Variants in ACLY observed in about 807,000 individuals in gnomAD.
The protein encoded by ACLY is ATP-citrate synthase.
Under a neutral mutation model 133.0 loss-of-function variants are expected in ACLY, and 41 were observed. That is an observed-to-expected ratio of 0.31 (90% confidence interval 0.24 to 0.40). The LOEUF is 0.40. Among genes scored for constraint, ACLY ranks in the 10% least tolerant of loss-of-function variants. The pLI, the probability that ACLY is intolerant of heterozygous loss-of-function variation, is 1.00. For synonymous variants in ACLY, 495 were observed against 549.3 expected (o/e 0.90, Z 1.38); for missense variants, 1,046 against 1,453.8 (o/e 0.72, Z 4.56).
rs1400290337 is a variant in ACLY at position 41,884,104 on chromosome 17, AC to A, written c.2154+88del. The A allele has an allele frequency of 8.9e-6, 7 of 782,140 alleles. No individual in the cohort carries two copies. In the Admixed American group the frequency reaches 1.5e-4, roughly 16 times the overall value. The allele number at this position is 782,140 out of a possible 1,614,324, so 48.5% of individuals were successfully genotyped here. ...TTACCAGGGACTGTCCCTTTAAGTT[AC>A]ATGTAACCAAAATGTTTTAATTTTT... On this transcript the variant is annotated intron_variant, in intron 19 of 28. Transcript: ENST00000352035.
intron 2 of ACLY, among the ~76,000 whole-genome samples, chr17:41,912,823 A>G (rs1257207487): frequency 2.6e-5 from 4 of 152,030 alleles, no homozygotes. Flanking sequence ...GTGATTCTCT[A>G]CCCTCCCTAT....
At chr17:41,900,601 C>T (rs1341686325) in intron 11 of ACLY, among the ~76,000 whole-genome samples, 5 of 151,458 alleles carry the variant, frequency 3.3e-5, no homozygotes, top group East Asian at 1.9e-4. Flanking sequence ...GGTGCACACC[C>T]GTGGTCCCCA....
chr17:41,919,107 G>GC, upstream of ACLY: 11 of 1,172,872 alleles, frequency 9.4e-6, no homozygotes, highest in South Asian at 3.1e-5. Flanking sequence ...GCTTGGCTCC[G>GC]CCCCACGAGG....
chr17:41,921,612 G>A (rs1555635447), upstream of ACLY, among the ~76,000 whole-genome samples: 1 of 152,158 alleles, frequency 6.6e-6, no homozygotes, highest in Non-Finnish European at 1.5e-5. Context: ...AGGAGGGCTT[G>A]AGCCCAGGAG....
intron 26 of ACLY, 128 bp downstream of exon 26, chr17:41,869,346 G>C: frequency 1.1e-6 from 1 of 882,126 alleles, no homozygotes; most frequent in Non-Finnish European, 1.8e-6. Context: ...ATTTAGTTAT[G>C]AAACAAAAAT....
intron 6 of ACLY, 92 bp downstream of exon 6, chr17:41,908,897 G>T: frequency 9.6e-7 from 1 of 1,046,342 alleles, no homozygotes; most frequent in South Asian, 1.3e-5. Context: ...TTACCCTCTG[G>T]CAAGTGGGAG....
intron 23 of ACLY, among the ~76,000 whole-genome samples, chr17:41,873,149 C>T (rs1555625404): frequency 6.7e-6 from 1 of 149,946 alleles, no homozygotes; most frequent in Non-Finnish European, 1.5e-5. Flanking sequence ...ATGGGAGAAA[C>T]AAATTTGCAA....
At chr17:41,909,091 G>GACA in intron 5 of ACLY, 23 bp from the exon 6 acceptor site, 2 of 1,583,938 alleles carry the variant, frequency 1.3e-6, no homozygotes, top group South Asian at 2.2e-5. Flanking sequence ...GGGAGAGAGG[G>GACA]ACAGTTCATC....
intron 19 of ACLY, among the ~76,000 whole-genome samples, chr17:41,883,926 C>T (rs1020749948): frequency 6.6e-6 from 1 of 152,022 alleles, no homozygotes; most frequent in Non-Finnish European, 1.5e-5. Context: ...TTCCACTGCC[C>T]ACCAGGTAGA....
At chr17:41,925,506 G>A (rs1286253587) in intron 1 of ACLY, among the ~76,000 whole-genome samples, 2 of 151,806 alleles carry the variant, frequency 1.3e-5, no homozygotes, top group East Asian at 3.9e-4. Flanking sequence ...AGCTACTGGG[G>A]AGGCTGAGGT....
intron 1 of ACLY, among the ~76,000 whole-genome samples, chr17:41,917,204 G>C (rs1202298495): frequency 3.3e-5 from 5 of 151,402 alleles, no homozygotes; most frequent in African/African-American, 1.2e-4. Context: ...ATACCTATCT[G>C]GGTTTGGGAC....
chr17:41,907,450 A>G lies in ACLY; in HGVS notation c.739T>C (p.Tyr247His), dbSNP rs2049754032. 6.2e-7 allele frequency: 1 copy of G among 1,613,266 alleles called. No individual in the cohort carries two copies. The highest frequency in any genetic ancestry group is 8.5e-7 in the Non-Finnish European group (1 of 1,179,732). ...EFPPPFGREA[Y>H]PEEAYIADLD... ...CTCTAAACCAGCCTTACCTCTGGATATGCCTCCCGCCCGAAGGGGGGAGGG... is the reference window on the plus strand; with the variant it reads ...CTCTAAACCAGCCTTACCTCTGGATGTGCCTCCCGCCCGAAGGGGGGAGGG... Residue 247 changes from tyrosine (Y) to histidine (H), a missense_variant, in exon 7 of 29, where the codon TAT becomes CAT. This residue lies in a region of ACLY where 575 missense variants were observed against 804.2 expected (regional missense o/e 0.71). Transcript: ENST00000352035.
Position 41,884,257 on chromosome 17 carries a change from A to G in ACLY, c.2090T>C (p.Phe697Ser). The change falls in exon 19 of 29, where the codon TTC becomes TCC. Residue 697 changes from phenylalanine to serine, a missense_variant. By Grantham distance (155) the Phe-to-Ser change is radical. Transcript: ENST00000352035. Reference sequence around the variant, plus strand: ...CTGATAGCGTAACACATGATCCATGAATGTGGAGCCCGGGTACCTGTTGAG... The same window carrying G: ...CTGATAGCGTAACACATGATCCATGGATGTGGAGCCCGGGTACCTGTTGAG... Reference protein sequence around the residue: ...IGGDRYPGSTFMDHVLRYQDT... With the variant: ...IGGDRYPGSTSMDHVLRYQDT... 1 of 1,611,792 alleles carries G rather than the reference A, an allele frequency of 6.2e-7. No homozygotes were observed. The highest frequency in any genetic ancestry group is 8.5e-7 in the Non-Finnish European group (1 of 1,177,970).
intron 1 of ACLY, among the ~76,000 whole-genome samples, chr17:41,925,097 G>A (rs1012066304): frequency 3.3e-5 from 5 of 151,394 alleles, no homozygotes; most frequent in African/African-American, 1.2e-4. Flanking sequence ...GTGAAGTGGC[G>A]CGATCTCCGC....
intron 18 of ACLY, among the ~76,000 whole-genome samples, chr17:41,884,871 A>G (rs1326875285): frequency 6.6e-6 from 1 of 152,126 alleles, no homozygotes; most frequent in Non-Finnish European, 1.5e-5. Flanking sequence ...GAACACACAC[A>G]TATTTTCTTT....
chr17:41,877,508 T>C (rs2048796397), intron 22 of ACLY, among the ~76,000 whole-genome samples: 1 of 150,620 alleles, frequency 6.6e-6, no homozygotes, highest in Non-Finnish European at 1.5e-5. Flanking sequence ...TGGAGTGCAG[T>C]GGCACAGTCA....
chr17:41,913,899 G>A lies in ACLY; in HGVS notation c.-23-3C>T, dbSNP rs1555634102. 14 of 1,613,780 alleles carry A rather than the reference G, an allele frequency of 8.7e-6. No individual in the cohort carries two copies. Among genetic ancestry groups the A allele is most frequent in the African/African-American group, 1.3e-5 (1 of 74,944 alleles). On this transcript the variant is annotated splice_region_variant and splice_polypyrimidine_tract_variant and intron_variant, in intron 1 of 28. Coordinates refer to ENST00000352035, the MANE Select transcript of ACLY (RefSeq NM_001096.3). ...GGCTGCAGAGAGACCTGCTCTACCT[G>A]TCTGGGAGAGAGAAGCTGGTCAGAA... is the stretch of plus-strand genomic sequence containing the variant.
chr17:41,898,766 G>A lies in ACLY; in HGVS notation c.1203C>T (p.Pro401=), dbSNP rs1555630938. The A allele has an allele frequency of 1.2e-6, 2 of 1,613,934 alleles. No homozygotes were observed. The highest frequency in any genetic ancestry group is 2.2e-5 in the South Asian group (2 of 91,034). ...MGEVGKTTGI[P]IHVFGTETHM... ...GAGTCTCTGTGCCAAAGACATGGAT[G>A]GGGATCCCAGTGGTCTTCCCTGCAA... Residue 401 remains proline, a synonymous_variant, in exon 12 of 29, where the codon CCC becomes CCT. Transcript: ENST00000352035.
chr17:41,887,999 G>A (rs1193516179), intron 16 of ACLY, among the ~76,000 whole-genome samples: 4 of 151,970 alleles, frequency 2.6e-5, no homozygotes, highest in South Asian at 2.1e-4. Flanking sequence ...ATGGTGGTGC[G>A]CGCCTATAAT....
Sources: gnomAD v4.1 joint callset for allele counts (sites outside exome capture counted in the v4.1 genomes callset) on GRCh38, gnomAD v4.1.1 for gene constraint, gnomAD v4.1.1 regional missense constraint, MANE v1.5 for transcripts, NCBI Gene and HGNC (gene_info 2026-07-23, HGNC 2026-07-21) for gene names.